The following LASP1 variants were observed in gnomAD, a reference collection of about 807,000 sequenced individuals.
LASP1 encodes the protein LIM and SH3 protein 1, also known as LIM and SH3 domain protein 1.
LASP1 carries 10 observed loss-of-function variants against 38.6 expected under a neutral mutation model. The observed-to-expected ratio is 0.26, with a 90% CI of 0.16 to 0.44. LASP1 has a LOEUF of 0.44. Ranked by LOEUF, LASP1 falls within the 20% of genes least tolerant of loss-of-function variation. The pLI is 1.00. For synonymous variants in LASP1, 132 were observed against 140.8 expected, an observed-to-expected ratio of 0.94 and a Z score of 0.44; for missense variants, 243 against 375.7, an observed-to-expected ratio of 0.65 and a Z score of 2.92.
Position 38,878,136 on chromosome 17 carries a change from C to T in LASP1, c.120C>T (p.Asn40=), listed in dbSNP as rs752858674. 6 of 1,613,860 alleles carry T rather than the reference C, an allele frequency of 3.7e-6. No individual in the cohort carries two copies. The highest frequency in any genetic ancestry group is 3.3e-5 in the Admixed American group (2 of 59,984). Residue 40 remains asparagine, a synonymous_variant, in exon 2 of 7, where the codon AAC becomes AAT. Transcript: ENST00000318008. ...GCGAGACCTGCAAGATGACACTGAA[C>T]ATGAAGAACTACAAGGGCTACGAGA... The part of the protein sequence containing the change: ...FHCETCKMTL[N]MKNYKGYEKK...
In LASP1 at chr17:38,890,441, C is replaced by T. The variant is rs1914277105; in HGVS notation, c.186C>T (p.Phe62=). The T allele has an allele frequency of 1.2e-6, 2 of 1,614,002 alleles. No individual in the cohort carries two copies. The highest frequency in any genetic ancestry group is 1.3e-5 in the African/African-American group (1 of 74,940). The change falls in exon 3 of 7, where the codon TTC becomes TTT. Residue 62 remains phenylalanine, a synonymous_variant. Coordinates refer to ENST00000318008, the MANE Select transcript of LASP1 (RefSeq NM_006148.4). ...GCAGACACTACCCCAAGCAGTCCTT[C>T]ACCATGGTGGCGGACACCCCGGAAA... ...YCNAHYPKQS[F]TMVADTPENL...
intron 2 of LASP1, among the ~76,000 whole-genome samples, chr17:38,880,559 T>G (rs577837393): frequency 6.6e-6 from 1 of 152,230 alleles, no homozygotes; most frequent in Non-Finnish European, 1.5e-5. Flanking sequence ...CCATGCCTCA[T>G]TGACCTTTGG....
At chr17:38,901,016 G>T (rs1454342067) in intron 4 of LASP1, among the ~76,000 whole-genome samples, 1 of 152,260 alleles carries the variant, frequency 6.6e-6, no homozygotes, top group African/African-American at 2.4e-5. Flanking sequence ...ACCCGGAATG[G>T]TTCACAGAAC....
intron 3 of LASP1, 140 bp from the exon 4 acceptor site, chr17:38,898,272 G>A: frequency 1.7e-6 from 1 of 589,944 alleles, no homozygotes; most frequent in Non-Finnish European, 3.0e-6. Context: ...CCTCTGCTTT[G>A]AGTTGGGGAC....
chr17:38,914,922 T>A, intron 5 of LASP1, 121 bp from the exon 6 acceptor site: 1 of 854,122 alleles, frequency 1.2e-6, no homozygotes, highest in Non-Finnish European at 1.9e-6. Context: ...GCCTTTGAGC[T>A]GTGGGGCTTG....
chr17:38,887,544 C>T (rs1453251961), intron 2 of LASP1, among the ~76,000 whole-genome samples: 6 of 152,350 alleles, frequency 3.9e-5, no homozygotes, highest in East Asian at 3.9e-4. Context: ...TTGCCAGCTG[C>T]GGACACCTGT....
At chr17:38,891,032 A>G (rs608420) in intron 3 of LASP1, among the ~76,000 whole-genome samples, 103,939 of 152,002 alleles carry the variant, frequency 0.68, 35,904 homozygotes, top group African/African-American at 0.79. Flanking sequence ...AGTGGGAGGT[A>G]TGTGCCCCTG....
chr17:38,882,335 C>T (rs1020697074), intron 2 of LASP1, among the ~76,000 whole-genome samples: 3 of 152,228 alleles, frequency 2.0e-5, no homozygotes, highest in African/African-American at 7.2e-5. Context: ...ACAACCTCTG[C>T]CTCCCAGGTT....
chr17:38,900,378 T>C (rs1353739362), intron 4 of LASP1, among the ~76,000 whole-genome samples: 6 of 27,410 alleles, frequency 2.2e-4, no homozygotes, highest in Non-Finnish European at 2.3e-4. Flanking sequence ...AGACCCTGTT[T>C]CCAAAAAAAA....
chr17:38,871,252 G>T (rs1940108407), intron 1 of LASP1, among the ~76,000 whole-genome samples: 1 of 151,948 alleles, frequency 6.6e-6, no homozygotes, highest in Admixed American at 6.6e-5. Context: ...TTGGAGGGGG[G>T]TTGGAGAGTA....
At chr17:38,897,777 A>G (rs922891094) in intron 3 of LASP1, among the ~76,000 whole-genome samples, 2 of 152,150 alleles carry the variant, frequency 1.3e-5, no homozygotes, top group Non-Finnish European at 2.9e-5. Flanking sequence ...TCAAAGGCGC[A>G]CTGATGGAGC....
chr17:38,893,121 G>A (rs1914389659), intron 3 of LASP1, among the ~76,000 whole-genome samples: 1 of 152,252 alleles, frequency 6.6e-6, no homozygotes, highest in South Asian at 2.1e-4. Flanking sequence ...TAGGGAAACT[G>A]AGGTTTACAG....
chr17:38,887,400 A>G (rs1408533149), intron 2 of LASP1, among the ~76,000 whole-genome samples: 4 of 152,170 alleles, frequency 2.6e-5, no homozygotes, highest in African/African-American at 9.7e-5. Context: ...GTCTCTAGGA[A>G]CAGACTCGTG....
intron 3 of LASP1, among the ~76,000 whole-genome samples, chr17:38,895,699 G>T (rs1914468048): frequency 6.6e-6 from 1 of 152,174 alleles, no homozygotes; most frequent in South Asian, 2.1e-4. Flanking sequence ...GCTTTGTTTG[G>T]AGATTACGTG....
chr17:38,892,220 T>C (rs1297354414), intron 3 of LASP1, among the ~76,000 whole-genome samples: 1 of 152,122 alleles, frequency 6.6e-6, no homozygotes, highest in Non-Finnish European at 1.5e-5. Context: ...GGGAACCGAG[T>C]GAGTGAATGC....
chr17:38,877,930 G>A (rs1462208771), intron 1 of LASP1, among the ~76,000 whole-genome samples, 156 bp from the exon 2 acceptor site: 1 of 152,162 alleles, frequency 6.6e-6, no homozygotes, highest in East Asian at 1.9e-4. Context: ...CCTGTGACCT[G>A]AAATGCCCCC....
Position 38,920,067 on chromosome 17 carries a change from C to G in LASP1, c.*1289C>G, listed in dbSNP as rs1396310023. On this transcript the variant is annotated 3_prime_UTR_variant, in exon 7 of 7. Transcript: ENST00000318008. Reference sequence around the variant, plus strand: ...TTGGAATGAAATTCCTCCTTCCCCCCATCTCTGAGTGGAGGAAGCCCACCA... The same window carrying G: ...TTGGAATGAAATTCCTCCTTCCCCCGATCTCTGAGTGGAGGAAGCCCACCA... 2 of 536,830 alleles carry G rather than the reference C, an allele frequency of 3.7e-6. No homozygotes were observed. The highest frequency in any genetic ancestry group is 7.2e-6 in the Non-Finnish European group (2 of 276,750). 33.3% of individuals were successfully genotyped at this position (536,830 alleles called of 1,614,324 possible).
At chr17:38,882,096 G>C (rs376016711) in intron 2 of LASP1, among the ~76,000 whole-genome samples, 5 of 152,184 alleles carry the variant, frequency 3.3e-5, no homozygotes, top group African/African-American at 9.7e-5. Flanking sequence ...GTGCTGGGGC[G>C]GGGGAGGAGG....
rs917592882 is a variant in LASP1, at chr17:38,920,154, T to C, written c.*1376T>C. 5 of 534,260 alleles carry C rather than the reference T, an allele frequency of 9.4e-6. No homozygotes were observed. The highest frequency in any genetic ancestry group is 7.4e-5 in the African/African-American group (4 of 53,880). 33.1% of individuals were successfully genotyped at this position (534,260 alleles called of 1,614,324 possible). On this transcript the variant is annotated 3_prime_UTR_variant, in exon 7 of 7. Transcript: ENST00000318008. ...GGTTGGTGTGGAGTTGGGGCTGCCA[T>C]AGGGTCTGCAGCCTGCTGGGGCTAA...
Sources: allele counts gnomAD v4.1 joint callset (sites outside exome capture counted in the v4.1 genomes callset), GRCh38; gene constraint gnomAD v4.1.1; transcripts MANE v1.5; gene names NCBI Gene and HGNC (gene_info 2026-07-23, HGNC 2026-07-21).